The following SHANK2 variants were observed in gnomAD, a reference collection of about 807,000 sequenced individuals.
SHANK2 encodes the protein SH3 and multiple ankyrin repeat domains protein 2.
In SHANK2, 43 loss-of-function variants were observed where a neutral mutation model predicts 133.7. The ratio of observed to expected loss-of-function variants is 0.32; its 90% CI spans 0.25 to 0.41. SHANK2 has a LOEUF of 0.41. SHANK2 is among the 10% of genes least tolerant of loss of function. The pLI, the probability that SHANK2 is intolerant of heterozygous loss-of-function variation, is 1.00. For synonymous variants in SHANK2, 1,017 were observed against 952.8 expected (o/e 1.07, Z -1.24); for missense variants, 1,994 against 2,235.8 (o/e 0.89, Z 2.18).
chr11:71,178,834 A>G (rs759286188), intron 2 of SHANK2, among the ~76,000 whole-genome samples: 123 of 152,100 alleles, frequency 8.1e-4, no homozygotes, highest in Non-Finnish European at 1.4e-3. Flanking sequence ...AAATACAAAA[A>G]TTATTGGGAG....
intron 1 of SHANK2, among the ~76,000 whole-genome samples, chr11:71,231,410 C>T (rs1954739089): frequency 6.6e-6 from 1 of 152,250 alleles, no homozygotes; most frequent in African/African-American, 2.4e-5. Flanking sequence ...ACACCAATTG[C>T]TAGTAAGAAA....
chr11:70,872,903 T>G (rs1228986870), intron 11 of SHANK2: 2 of 426,404 alleles, frequency 4.7e-6, no homozygotes, highest in Non-Finnish European at 9.8e-6. Context: ...GCCCAGCTCC[T>G]CGGGGCAGGA....
At chr11:70,690,366 T>C (rs192273603) in intron 15 of SHANK2, among the ~76,000 whole-genome samples, 1 of 151,726 alleles carries the variant, frequency 6.6e-6, no homozygotes, top group African/African-American at 2.4e-5. Context: ...GAAACACTGA[T>C]AGAGTGGAAA....
At chr11:70,530,613 C>T (rs993220201) in intron 17 of SHANK2, among the ~76,000 whole-genome samples, 1 of 152,132 alleles carries the variant, frequency 6.6e-6, no homozygotes, top group African/African-American at 2.4e-5. Context: ...ACATCATGCT[C>T]AGCGAAATAA....
intron 2 of SHANK2, among the ~76,000 whole-genome samples, chr11:71,224,337 G>A (rs371081904): frequency 1.5e-4 from 23 of 151,782 alleles, no homozygotes; most frequent in African/African-American, 5.3e-4. Flanking sequence ...TGGGCATCAC[G>A]AGGCGCACCC....
chr11:71,142,120 ACT>A (rs1952566897), intron 3 of SHANK2, among the ~76,000 whole-genome samples: 1 of 152,168 alleles, frequency 6.6e-6, no homozygotes, highest in Non-Finnish European at 1.5e-5. Flanking sequence ...GGAAACAAAA[ACT>A]CAAAGGAGCA....
intron 11 of SHANK2, among the ~76,000 whole-genome samples, chr11:70,884,351 T>G (rs1179126481): frequency 6.6e-6 from 1 of 152,364 alleles, no homozygotes; most frequent in South Asian, 2.1e-4. Context: ...TCTGTTTATC[T>G]GCACAACCTC....
At chr11:71,125,431 G>A (rs1275287505) in intron 3 of SHANK2, among the ~76,000 whole-genome samples, 2 of 152,188 alleles carry the variant, frequency 1.3e-5, no homozygotes, top group Admixed American at 6.5e-5. Flanking sequence ...CAGGGAGAAG[G>A]TTTGAGTCAC....
At chr11:70,936,393 T>C (rs1950571301) in intron 10 of SHANK2, among the ~76,000 whole-genome samples, 1 of 152,040 alleles carries the variant, frequency 6.6e-6, no homozygotes, top group South Asian at 2.1e-4. Context: ...GTGCCTGTAG[T>C]CCCAGCTACT....
At chr11:71,137,299 T>TA (rs10534209) in intron 3 of SHANK2, among the ~76,000 whole-genome samples, 23,066 of 112,376 alleles carry the variant, frequency 0.21, 2,618 homozygotes, top group South Asian at 0.27. Context: ...AATCCTTACT[T>TA]AAAAAAAAAA....
At chr11:70,609,174 G>A (rs1005022879) in intron 17 of SHANK2, among the ~76,000 whole-genome samples, 7 of 152,232 alleles carry the variant, frequency 4.6e-5, no homozygotes, top group African/African-American at 1.4e-4. Context: ...AGCCCTGCTC[G>A]GACAATGCTG....
chr11:70,896,115 GATAC>G (rs1397690337), intron 11 of SHANK2, among the ~76,000 whole-genome samples: 3 of 152,150 alleles, frequency 2.0e-5, no homozygotes, highest in African/African-American at 7.2e-5. Context: ...GGGAAAATCA[GATAC>G]ATACATCAGA....
intron 17 of SHANK2, among the ~76,000 whole-genome samples, chr11:70,589,981 G>A (rs1196373492): frequency 1.3e-5 from 2 of 151,988 alleles, no homozygotes; most frequent in African/African-American, 4.8e-5. Flanking sequence ...GTGAAACCCC[G>A]TCTCTACTAA....
intron 17 of SHANK2, among the ~76,000 whole-genome samples, chr11:70,518,609 C>T (rs1417206483): frequency 1.3e-5 from 2 of 152,228 alleles, no homozygotes; most frequent in Non-Finnish European, 2.9e-5. Context: ...GAGTCAATTG[C>T]ATCCTGCGGC....
At chr11:70,831,723 G>T (rs945831486) in intron 11 of SHANK2, among the ~76,000 whole-genome samples, 2 of 152,226 alleles carry the variant, frequency 1.3e-5, no homozygotes, top group Non-Finnish European at 2.9e-5. Flanking sequence ...CGGGGACGCC[G>T]TACCAGGTGT....
At chr11:71,102,238 A>G (rs1403933540) in intron 6 of SHANK2, among the ~76,000 whole-genome samples, 1 of 151,342 alleles carries the variant, frequency 6.6e-6, no homozygotes, top group African/African-American at 2.4e-5. Context: ...GAGGCCTGAG[A>G]CTCTGCTGGA....
chr11:70,817,106 C>A (rs1948415765), intron 12 of SHANK2, among the ~76,000 whole-genome samples: 1 of 152,234 alleles, frequency 6.6e-6, no homozygotes, highest in Non-Finnish European at 1.5e-5. Context: ...CACCCTCATC[C>A]CAGGGGACCT....
chr11:70,546,245 T>G (rs1281318164), intron 17 of SHANK2, among the ~76,000 whole-genome samples: 2 of 151,996 alleles, frequency 1.3e-5, no homozygotes, highest in African/African-American at 4.8e-5. Flanking sequence ...AGAGTTTTAA[T>G]GGAGGTTTCA....
chr11:70,515,540 G>A (rs1239759241), intron 17 of SHANK2, among the ~76,000 whole-genome samples: 1 of 144,716 alleles, frequency 6.9e-6, no homozygotes, highest in Non-Finnish European at 1.5e-5. Flanking sequence ...GGTGGCTCAT[G>A]TCTATAATCC....
Sources: gnomAD v4.1 joint callset for allele counts (sites outside exome capture counted in the v4.1 genomes callset) on GRCh38, gnomAD v4.1.1 for gene constraint, MANE v1.5 for transcripts, NCBI Gene and HGNC (gene_info 2026-07-23, HGNC 2026-07-21) for gene names.